The following NFIC variants were observed in gnomAD, a reference collection of about 807,000 sequenced individuals.
The protein encoded by NFIC is nuclear factor I C.
In NFIC, 12 loss-of-function variants were observed where a neutral mutation model predicts 54.4. The ratio of observed to expected loss-of-function variants is 0.22; its 90% confidence interval spans 0.14 to 0.36. The LOEUF is 0.36. NFIC is among the 10% of genes least tolerant of loss of function. The pLI is 1.00. For missense variants in NFIC, 575 were observed against 718.2 expected (o/e 0.80, Z 2.28); for synonymous variants, 322 against 319.2 (o/e 1.01, Z -0.09).
chr19:3,399,454 T>C (rs895526172), intron 2 of NFIC, among the ~76,000 whole-genome samples: 1 of 152,068 alleles, frequency 6.6e-6, no homozygotes, highest in Admixed American at 6.6e-5. Context: ...TGTGTGCCTG[T>C]AGCCCCAGCC....
upstream of NFIC, among the ~76,000 whole-genome samples, chr19:3,364,517 G>A (rs138928847): frequency 9.2e-5 from 14 of 152,278 alleles, no homozygotes; most frequent in African/African-American, 3.4e-4. Context: ...GCTGCTGTTC[G>A]TACACTTGCA....
intron 2 of NFIC, among the ~76,000 whole-genome samples, chr19:3,395,254 G>A (rs2081443608): frequency 6.6e-6 from 1 of 152,088 alleles, no homozygotes; most frequent in Admixed American, 6.5e-5. Context: ...AGCTACTGGG[G>A]AGGCTGAGGC....
chr19:3,387,699 C>T (rs1397415700), intron 2 of NFIC, among the ~76,000 whole-genome samples: 2 of 151,138 alleles, frequency 1.3e-5, no homozygotes, highest in African/African-American at 4.9e-5. Flanking sequence ...ATAGCCAGTG[C>T]GAAGGCCTGG....
chr19:3,450,405 C>T (rs993069385), intron 7 of NFIC, among the ~76,000 whole-genome samples: 8 of 150,640 alleles, frequency 5.3e-5, no homozygotes, highest in Admixed American at 4.6e-4. Flanking sequence ...CCTGTAATCC[C>T]AGCACTTTGG....
intron 2 of NFIC, among the ~76,000 whole-genome samples, chr19:3,424,462 C>T (rs10402602): frequency 0.052 from 7,956 of 152,214 alleles, 325 homozygotes; most frequent in African/African-American, 0.11. Flanking sequence ...CTGCAACCTC[C>T]GCCTCCGAGG....
At chr19:3,419,237 C>T (rs779969727) in intron 2 of NFIC, among the ~76,000 whole-genome samples, 60 of 152,040 alleles carry the variant, frequency 3.9e-4, no homozygotes, top group Non-Finnish European at 6.5e-4. Flanking sequence ...AAATATTATG[C>T]ATATTTTACC....
intron 1 of NFIC, among the ~76,000 whole-genome samples, chr19:3,379,713 G>T (rs1433607695): frequency 1.4e-5 from 2 of 141,804 alleles, no homozygotes; most frequent in African/African-American, 5.3e-5. Context: ...GGAGTCAGGG[G>T]TCTCACTACG....
At position 3,375,850 on chromosome 19, in the gene NFIC, G is replaced by T. The variant is rs1187386360; in HGVS notation, c.31-5862G>T. Reference sequence around the variant, plus strand: ...CTCTGCCCATCCCGGCCTGGAAATGGGACCGAGTCCAGCCACATCCGCTGG... The same window carrying T: ...CTCTGCCCATCCCGGCCTGGAAATGTGACCGAGTCCAGCCACATCCGCTGG... On this transcript the variant is annotated intron_variant, in intron 1 of 10. Coordinates refer to ENST00000443272, the MANE Select transcript of NFIC (RefSeq NM_001245002.2). The surrounding 1 kb of genome is among the most constrained non-coding windows in gnomAD (Gnocchi z 4.6). Among the ~76,000 whole-genome samples, 3 of 152,276 alleles carry T rather than the reference G, an allele frequency of 2.0e-5. No homozygotes were observed. In the South Asian group the frequency reaches 6.2e-4, roughly 32 times the overall value.
At chr19:3,374,307 G>C (rs2081069589) in intron 1 of NFIC, among the ~76,000 whole-genome samples, 1 of 152,164 alleles carries the variant, frequency 6.6e-6, no homozygotes, top group African/African-American at 2.4e-5. Context: ...GGAAGTCCCA[G>C]TGGGCTAAGC....
intron 1 of NFIC, among the ~76,000 whole-genome samples, chr19:3,380,162 G>A (rs1281115587): frequency 9.3e-5 from 14 of 150,474 alleles, no homozygotes; most frequent in African/African-American, 1.7e-4. Flanking sequence ...CACCACGCCC[G>A]GCTAATTTTT....
rs1312213533 is a variant in NFIC, at chr19:3,404,143, C to CT, written c.563-20963_563-20962insT. Among the ~76,000 whole-genome samples the CT allele has an allele frequency of 5.9e-5, 9 of 152,260 alleles. No individual in the cohort carries two copies. The South Asian group carries it at 1.0e-3, about 18-fold the overall frequency. ...CCCCCGAGGCCTGCCCTTCTCCCCC[C>CT]CCCGTCACAGCCGCCGAGTCAGGCC... On this transcript the variant is annotated intron_variant, in intron 2 of 10. Transcript: ENST00000443272.
At chr19:3,400,079 A>G (rs1251276687) in intron 2 of NFIC, among the ~76,000 whole-genome samples, 1 of 152,244 alleles carries the variant, frequency 6.6e-6, no homozygotes, top group Non-Finnish European at 1.5e-5. Flanking sequence ...GTCAGCACTC[A>G]TCCAGTGGAA....
chr19:3,391,582 A>G (rs2081377809), intron 2 of NFIC, among the ~76,000 whole-genome samples: 1 of 152,130 alleles, frequency 6.6e-6, no homozygotes, highest in Non-Finnish European at 1.5e-5. Context: ...AGACCACTTG[A>G]GGTCAAGAGT....
At chr19:3,418,898 G>A (rs1180426399) in intron 2 of NFIC, among the ~76,000 whole-genome samples, 1 of 152,132 alleles carries the variant, frequency 6.6e-6, no homozygotes, top group Non-Finnish European at 1.5e-5. Context: ...CAAATAAAAA[G>A]GAAGGAGATT....
intron 3 of NFIC, among the ~76,000 whole-genome samples, chr19:3,428,437 G>A (rs977680432): frequency 9.3e-5 from 14 of 151,288 alleles, no homozygotes; most frequent in Non-Finnish European, 1.6e-4. Flanking sequence ...GGGGGATAGA[G>A]TGAGACTGTC....
In NFIC at chr19:3,369,682, C is replaced by T. The variant is rs766524328; in HGVS notation, c.30+3016C>T. ...ACTCTTAAGAGGAACTGTGTGGAGC[C>T]CATGGCTCCCATAAATCCTGCCGGC... On this transcript the variant is annotated intron_variant, in intron 1 of 10. Transcript: ENST00000443272. The surrounding 1 kb of genome is among the most constrained non-coding windows in gnomAD (Gnocchi z 4.3). 5.7e-4 allele frequency among the ~76,000 whole-genome samples: 86 copies of T among 151,558 alleles called. No individual in the cohort carries two copies. Among genetic ancestry groups the T allele is most frequent in the Admixed American group, 1.8e-3 (28 of 15,260 alleles).
chr19:3,453,676 G>T lies in NFIC; in HGVS notation c.1270-87G>T, dbSNP rs946508330. 6.7e-7 allele frequency: 1 copy of T among 1,491,746 alleles called. No homozygotes were observed. Among genetic ancestry groups the T allele is most frequent in the Non-Finnish European group, 8.9e-7 (1 of 1,125,464 alleles). 92.4% of individuals were successfully genotyped at this position (1,491,746 alleles called of 1,614,324 possible). On this transcript the variant is annotated intron_variant, in intron 8 of 10. Transcript: ENST00000443272. The surrounding 1 kb of genome is among the most constrained non-coding windows in gnomAD (Gnocchi z 6.7). ...CCCAGCCTGCCACCCCGTCCGGGCC[G>T]TGCACAGAGCCGGGGGCGGCCGGCG...
chr19:3,385,998 C>T (rs964939901), intron 2 of NFIC, among the ~76,000 whole-genome samples: 1 of 152,070 alleles, frequency 6.6e-6, no homozygotes, highest in Non-Finnish European at 1.5e-5. Flanking sequence ...TGACCCCCTG[C>T]GCCCGGCCCA....
chr19:3,433,666 C>G, intron 4 of NFIC, 74 bp downstream of exon 4: 1 of 1,479,016 alleles, frequency 6.8e-7, no homozygotes, highest in Admixed American at 1.8e-5. Context: ...AGCCCACCCC[C>G]CTCACCCTAC....
Sources: allele counts gnomAD v4.1 joint callset (sites outside exome capture counted in the v4.1 genomes callset), GRCh38; gene constraint gnomAD v4.1.1; non-coding constraint Gnocchi (gnomAD v3.1); transcripts MANE v1.5; gene names NCBI Gene and HGNC (gene_info 2026-07-23, HGNC 2026-07-21).